Variants in MIGA2 observed in about 807,000 individuals in gnomAD.
The protein encoded by MIGA2 is mitoguardin 2, also known as family with sequence similarity 73, member B.
Under a neutral mutation model 69.9 loss-of-function variants are expected in MIGA2, and 36 were observed. The observed-to-expected ratio is 0.52, with a 90% confidence interval of 0.39 to 0.68. MIGA2 has a LOEUF of 0.68. Among genes scored for constraint, MIGA2 ranks in the 30% least tolerant of loss-of-function variants. The pLI is 0.00. For synonymous variants in MIGA2, 333 were observed against 349.2 expected (o/e 0.95, Z 0.52); for missense variants, 660 against 787.7 (o/e 0.84, Z 1.94).
At position 129,042,496 on chromosome 9, in the gene MIGA2, G is replaced by A. The variant is rs558589665; in HGVS notation, c.289G>A (p.Val97Ile). 16 of 1,577,228 alleles carry A rather than the reference G, an allele frequency of 1.0e-5. No individual in the cohort carries two copies. The African/African-American group carries it at 2.2e-4, about 21-fold the overall frequency. ...VPLPILLARK[V>I]PSVKKGYSSR... ...CCTCCCTATCCTCTTGGCCAGGAAG[G>A]TCCCTTCAGTGAAGAAAGGTAGGTG... The change falls in exon 3 of 16, where the codon GTC (valine) becomes ATC (isoleucine). Residue 97 changes from valine (V) to isoleucine (I), a missense_variant. Physicochemically the swap from Val to Ile is conservative, Grantham distance 29 (BLOSUM62 3). Around this residue, in one of 3 missense-constraint regions of MIGA2, gnomAD observed 386 missense variants for 402.0 expected, o/e 0.96. Coordinates refer to ENST00000684074, the MANE Select transcript of MIGA2 (RefSeq NM_001329990.2).
Position 129,061,357 on chromosome 9 carries a change from G to A in MIGA2, c.1010+11G>A, listed in dbSNP as rs770669910. ...TTGCCGGACCCTCAGGTGAGCAGGT[G>A]TGGAGGGAGGGAGGGAGGGAGCAGG... On this transcript the variant is annotated intron_variant, in intron 9 of 15. Transcript: ENST00000684074. The surrounding 1 kb of genome is among the most constrained non-coding windows in gnomAD (Gnocchi z 5.0). 1.9e-6 allele frequency: 3 copies of A among 1,557,568 alleles called. No individual in the cohort carries two copies. Among genetic ancestry groups the A allele is most frequent in the Non-Finnish European group, 2.6e-6 (3 of 1,134,632 alleles).
At chr9:129,064,638 G>C (rs1846245804) in intron 11 of MIGA2, among the ~76,000 whole-genome samples, 1 of 152,046 alleles carries the variant, frequency 6.6e-6, no homozygotes, top group Non-Finnish European at 1.5e-5. Flanking sequence ...CCCTTGGGGT[G>C]AAGGCCAAGC....
intron 5 of MIGA2, 52 bp from the exon 6 acceptor site, chr9:129,049,775 G>T (rs1198596232): frequency 6.2e-7 from 1 of 1,610,628 alleles, no homozygotes; most frequent in Non-Finnish European, 8.5e-7. Context: ...GCCCCCTCTT[G>T]GGTGAGACTG....
Position 129,069,251 on chromosome 9 carries a change from C to T in MIGA2, c.1458+122C>T, listed in dbSNP as rs1846535525. 4.0e-6 allele frequency: 5 copies of T among 1,243,058 alleles called. No homozygotes were observed. The South Asian group carries it at 4.9e-5, about 12-fold the overall frequency. The allele number at this position is 1,243,058 out of a possible 1,614,324, so 77.0% of individuals were successfully genotyped here. A position where few individuals can be genotyped will look rare whatever the true frequency, so the allele number is the denominator to read the frequency against. On this transcript the variant is annotated intron_variant, in intron 14 of 15. Coordinates refer to ENST00000684074, the MANE Select transcript of MIGA2 (RefSeq NM_001329990.2). This position sits in a 1 kb window ranked among gnomAD's most constrained non-coding sequence, Gnocchi z 4.9. ...CCTTCACCGCTCACAGTCCTGGCCC[C>T]CTTGTTCCGCCGTTACCTCTCCCTG...
At chr9:129,058,402 CAAAA>C (rs566828123) in intron 6 of MIGA2, among the ~76,000 whole-genome samples, 4 of 58,362 alleles carry the variant, frequency 6.9e-5, no homozygotes, top group Admixed American at 1.6e-4. Context: ...GACCTTGTCT[CAAAA>C]AAAAAAAAAA....
Position 129,070,412 on chromosome 9 carries a change from G to C in MIGA2, c.1741G>C (p.Ala581Pro). 6.2e-7 allele frequency: 1 copy of C among 1,605,288 alleles called. No individual in the cohort carries two copies. Residue 581 changes from alanine (A) to proline (P), a missense_variant, in exon 16 of 16, where the codon GCG becomes CCG. Ala to Pro is a conservative substitution (Grantham distance 27). Coordinates refer to ENST00000684074, the MANE Select transcript of MIGA2 (RefSeq NM_001329990.2). ...PAASSAGVNG[A>P]LPRENGPLGE... ...GGCCAGCAGCGCAGGCGTGAATGGG[G>C]CGCTGCCCCGAGAGAATGGGCCCCT...
rs1846551938 is a variant in MIGA2, at chr9:129,069,507, G to A, written c.1459-342G>A. ...AGGCCCCTGTAATCTCCGCTCCCAG[G>A]CAGCGACTGGCTGTGCTATCTGGCC... On this transcript the variant is annotated intron_variant, in intron 14 of 15. Coordinates refer to ENST00000684074, the MANE Select transcript of MIGA2 (RefSeq NM_001329990.2). This position sits in a 1 kb window ranked among gnomAD's most constrained non-coding sequence, Gnocchi z 4.9. The A allele has an allele frequency of 2.0e-6, 1 of 504,670 alleles. No individual in the cohort carries two copies. Among genetic ancestry groups the A allele is most frequent in the South Asian group, 2.2e-5 (1 of 46,234 alleles). 31.3% of individuals were successfully genotyped at this position (504,670 alleles called of 1,614,324 possible).
At chr9:129,044,317 C>T (rs1003742235) in intron 3 of MIGA2, among the ~76,000 whole-genome samples, 2 of 151,572 alleles carry the variant, frequency 1.3e-5, no homozygotes, top group African/African-American at 2.4e-5. Context: ...TTCCCAGCTT[C>T]TCACTACTAC....
chr9:129,049,407 C>T lies in MIGA2; in HGVS notation c.447C>T (p.Pro149=). Residue 149 remains proline (P), a synonymous_variant, in exon 5 of 16, where the codon CCC becomes CCT. Coordinates refer to ENST00000684074, the MANE Select transcript of MIGA2 (RefSeq NM_001329990.2). Reference sequence around the variant, plus strand: ...TGATGGCAGTGAACTCATCCAGCCCCACAGCCGCGTGCTCGGGACTATGGG... The same window carrying T: ...TGATGGCAGTGAACTCATCCAGCCCTACAGCCGCGTGCTCGGGACTATGGG... The part of the protein sequence containing the change: ...ASMMAVNSSS[P]TAACSGLWDA... 1 of 1,613,494 alleles carries T rather than the reference C, an allele frequency of 6.2e-7. No homozygotes were observed. Among genetic ancestry groups the T allele is most frequent in the Non-Finnish European group, 8.5e-7 (1 of 1,179,736 alleles).
chr9:129,068,886 A>C lies in MIGA2; in HGVS notation c.1405-190A>C, dbSNP rs1297145840. The C allele has an allele frequency of 5.9e-6, 4 of 676,140 alleles. No individual in the cohort carries two copies. The East Asian group carries it at 1.0e-4, about 17-fold the overall frequency. The allele number at this position is 676,140 out of a possible 1,614,324, so 41.9% of individuals were successfully genotyped here. A position where few individuals can be genotyped will look rare whatever the true frequency, so the allele number is the denominator to read the frequency against. On this transcript the variant is annotated intron_variant, in intron 13 of 15. Transcript: ENST00000684074. The surrounding 1 kb of genome is among the most constrained non-coding windows in gnomAD (Gnocchi z 4.1). ...AGATCCAGCAGTAAGATTAGAGTCA[A>C]GATTCAAGTTTAGGTATGTCTGAGT...
intron 6 of MIGA2, among the ~76,000 whole-genome samples, chr9:129,052,272 G>A (rs947940678): frequency 7.9e-5 from 12 of 151,818 alleles, no homozygotes; most frequent in African/African-American, 2.9e-4. Context: ...AGAGGTGCCT[G>A]CCAGCACGCC....
chr9:129,047,421 A>AT (rs1041190928), intron 3 of MIGA2, among the ~76,000 whole-genome samples: 3,243 of 144,026 alleles, frequency 0.023, 106 homozygotes, highest in African/African-American at 0.077. Context: ...ATTTCATTAA[A>AT]TTTTTTTTTT....
chr9:129,036,816 G>T (rs1844613678), intron 1 of MIGA2, 135 bp downstream of exon 1: 1 of 397,536 alleles, frequency 2.5e-6, no homozygotes, highest in African/African-American at 2.2e-5. Context: ...GAATGAGTGG[G>T]TACCCGGGCC....
intron 9 of MIGA2, among the ~76,000 whole-genome samples, chr9:129,063,010 G>A (rs1044466472): frequency 6.6e-6 from 1 of 152,206 alleles, no homozygotes; most frequent in African/African-American, 2.4e-5. Flanking sequence ...CTCTGTACCC[G>A]GTGCCTGAGA....
chr9:129,037,484 G>T (rs929499138), intron 1 of MIGA2, among the ~76,000 whole-genome samples: 2 of 152,162 alleles, frequency 1.3e-5, no homozygotes, highest in African/African-American at 4.8e-5. Context: ...TTTTCATTGT[G>T]GAGAGGAGGT....
At chr9:129,067,664 T>A (rs1425427359) in intron 11 of MIGA2, 109 bp from the exon 12 acceptor site, 1 of 921,350 alleles carries the variant, frequency 1.1e-6, no homozygotes, top group African/African-American at 1.6e-5. Context: ...CTGTGCCTGC[T>A]GCGTGGGGAT....
chr9:129,051,658 G>A (rs1341932825), intron 6 of MIGA2, among the ~76,000 whole-genome samples: 3 of 151,424 alleles, frequency 2.0e-5, no homozygotes, highest in Admixed American at 6.6e-5. Flanking sequence ...GTGCAGTGGC[G>A]TGATCTCGGC....
At chr9:129,044,043 G>A (rs1403533207) in intron 3 of MIGA2, among the ~76,000 whole-genome samples, 2 of 149,534 alleles carry the variant, frequency 1.3e-5, no homozygotes, top group Non-Finnish European at 3.0e-5. Flanking sequence ...TCCCAGGCTG[G>A]AGTGCGGTGG....
At chr9:129,040,720 T>C in intron 2 of MIGA2, 30 bp downstream of exon 2, 2 of 1,592,834 alleles carry the variant, frequency 1.3e-6, no homozygotes, top group Non-Finnish European at 1.7e-6. Flanking sequence ...GTACCTCTGG[T>C]CTATGAAACA....
Sources: allele counts gnomAD v4.1 joint callset (sites outside exome capture counted in the v4.1 genomes callset), GRCh38; gene constraint gnomAD v4.1.1; regional missense constraint gnomAD v4.1.1; non-coding constraint Gnocchi (gnomAD v3.1); transcripts MANE v1.5; gene names NCBI Gene and HGNC (gene_info 2026-07-23, HGNC 2026-07-21).